Variants in RAI14 observed in about 807,000 individuals in gnomAD.
The protein encoded by RAI14 is ankycorbin.
A neutral mutation model predicts 115.4 loss-of-function variants in RAI14; 45 were observed. That is an observed-to-expected ratio of 0.39 (90% CI 0.31 to 0.50). The LOEUF (loss-of-function observed/expected upper bound fraction) is 0.50. Among genes scored for constraint, RAI14 ranks in the 20% least tolerant of loss-of-function variants. The pLI is 0.85. For missense variants in RAI14, 939 were observed against 1,131.2 expected (o/e 0.83, Z 2.44); for synonymous variants, 371 against 415.4 (o/e 0.89, Z 1.30).
intron 3 of RAI14, among the ~76,000 whole-genome samples, chr5:34,790,667 T>C (rs949331482): frequency 5.3e-5 from 8 of 151,700 alleles, no homozygotes; most frequent in Admixed American, 2.6e-4. Flanking sequence ...ATTTTTTTTC[T>C]AAACCTAGCC....
intron 3 of RAI14, among the ~76,000 whole-genome samples, chr5:34,773,044 A>G (rs1750374434): frequency 1.3e-5 from 2 of 152,202 alleles, no homozygotes; most frequent in Non-Finnish European, 2.9e-5. Context: ...TCCTATTGTA[A>G]TGAAATGTAA....
At chr5:34,781,129 A>G (rs28613613) in intron 3 of RAI14, among the ~76,000 whole-genome samples, 4,067 of 149,952 alleles carry the variant, frequency 0.027, 191 homozygotes, top group African/African-American at 0.094. Context: ...GACAAAAAAA[A>G]CCAAGCACCG....
intron 4 of RAI14, among the ~76,000 whole-genome samples, chr5:34,802,255 A>G (rs548633215): frequency 4.6e-5 from 7 of 152,270 alleles, no homozygotes; most frequent in Admixed American, 3.3e-4. Flanking sequence ...TATAAGGTCA[A>G]TGATGCTAAG....
intron 1 of RAI14, among the ~76,000 whole-genome samples, chr5:34,674,015 A>C (rs1275449548): frequency 2.6e-5 from 4 of 152,070 alleles, no homozygotes; most frequent in Admixed American, 1.3e-4. Flanking sequence ...CCACTTATGG[A>C]TCCACTACTG....
intron 2 of RAI14, among the ~76,000 whole-genome samples, chr5:34,696,136 T>A (rs925334820): frequency 2.0e-5 from 3 of 151,966 alleles, no homozygotes; most frequent in African/African-American, 7.3e-5. Context: ...TTATTTATTT[T>A]TTATTATTTT....
At chr5:34,749,836 G>A (rs1282461254) in intron 2 of RAI14, among the ~76,000 whole-genome samples, 2 of 152,022 alleles carry the variant, frequency 1.3e-5, no homozygotes, top group Non-Finnish European at 2.9e-5. Context: ...TGTTGAAATC[G>A]TGTCTGTTTA....
intron 2 of RAI14, among the ~76,000 whole-genome samples, chr5:34,706,590 G>A (rs1157112415): frequency 1.3e-5 from 2 of 152,058 alleles, no homozygotes; most frequent in African/African-American, 2.4e-5. Flanking sequence ...GTTTTATTTC[G>A]GAACTTTATT....
intron 2 of RAI14, among the ~76,000 whole-genome samples, chr5:34,714,273 T>C (rs1741751226): frequency 6.6e-6 from 1 of 152,254 alleles, no homozygotes; most frequent in Non-Finnish European, 1.5e-5. Flanking sequence ...TGATGGTTTC[T>C]GTTCCTCAAC....
chr5:34,795,863 CG>C (rs567882884), intron 3 of RAI14, 75 bp from the exon 4 acceptor site: 419 of 953,144 alleles, frequency 4.4e-4, no homozygotes, highest in Non-Finnish European at 4.8e-4. Flanking sequence ...TGGCGGGGGG[CG>C]GGGGGGAAAC....
intron 1 of RAI14, among the ~76,000 whole-genome samples, chr5:34,662,383 C>T (rs1024031558): frequency 3.3e-5 from 5 of 152,178 alleles, no homozygotes; most frequent in African/African-American, 1.2e-4. Flanking sequence ...TAGAAGCCAA[C>T]TGAATTTTTT....
At chr5:34,732,318 A>G (rs1198635373) in intron 2 of RAI14, among the ~76,000 whole-genome samples, 3 of 152,142 alleles carry the variant, frequency 2.0e-5, no homozygotes, top group African/African-American at 7.2e-5. Flanking sequence ...GTATATATAG[A>G]AAGAGCAATG....
chr5:34,734,175 G>A (rs1032515460), intron 2 of RAI14, among the ~76,000 whole-genome samples: 2 of 152,134 alleles, frequency 1.3e-5, no homozygotes, highest in African/African-American at 4.8e-5. Context: ...CTTTAGGCCC[G>A]CCCCCCTGGT....
chr5:34,783,732 CT>C (rs1286425363), intron 3 of RAI14, among the ~76,000 whole-genome samples: 14 of 152,196 alleles, frequency 9.2e-5, no homozygotes, highest in Non-Finnish European at 1.9e-4. Flanking sequence ...ATTCTTTCCA[CT>C]ATGGCTTGTC....
intron 2 of RAI14, among the ~76,000 whole-genome samples, chr5:34,742,571 G>A (rs2166374): frequency 0.42 from 64,075 of 151,952 alleles, 13,764 homozygotes; most frequent in Non-Finnish European, 0.47. Flanking sequence ...GAAAAACATA[G>A]AGAGGTAGAT....
At chr5:34,758,334 A>T (rs1748173078) in intron 3 of RAI14, among the ~76,000 whole-genome samples, 1 of 152,194 alleles carries the variant, frequency 6.6e-6, no homozygotes, top group African/African-American at 2.4e-5. Context: ...TGAGACAAGG[A>T]TTTAAGTGCA....
At chr5:34,760,706 A>G (rs1263463618) in intron 3 of RAI14, among the ~76,000 whole-genome samples, 3 of 152,276 alleles carry the variant, frequency 2.0e-5, no homozygotes, top group Non-Finnish European at 4.4e-5. Context: ...GATATTTATT[A>G]CATGTGTTCT....
Position 34,767,918 on chromosome 5 carries a change from C to T in RAI14, c.167+10320C>T, listed in dbSNP as rs555898034. ...ATGGAGAGCCTCTGCTAGGGCAGTG[C>T]AGAAGGGAAATGTAGGGCTGGGACC... On this transcript the variant is annotated intron_variant, in intron 3 of 17. Transcript: ENST00000265109. 4.8e-5 allele frequency among the ~76,000 whole-genome samples: 7 copies of T among 144,380 alleles called. No homozygotes were observed. The South Asian group carries it at 1.7e-3, about 35-fold the overall frequency. The allele number at this position is 144,380 out of a possible 152,430, so 94.7% of individuals were successfully genotyped here. A position where few individuals can be genotyped will look rare whatever the true frequency, so the allele number is the denominator to read the frequency against.
intron 3 of RAI14, among the ~76,000 whole-genome samples, chr5:34,770,875 G>GT (rs1337887987): frequency 6.6e-6 from 1 of 152,182 alleles, no homozygotes; most frequent in Admixed American, 6.5e-5. Flanking sequence ...AATATCATTA[G>GT]TTTTTTTCTC....
chr5:34,726,891 A>G (rs1743537656), intron 2 of RAI14, among the ~76,000 whole-genome samples: 1 of 152,200 alleles, frequency 6.6e-6, no homozygotes, highest in African/African-American at 2.4e-5. Context: ...AATCTCAGGT[A>G]TGTCTTTATT....
Sources: gnomAD v4.1 joint callset for allele counts (sites outside exome capture counted in the v4.1 genomes callset) on GRCh38, gnomAD v4.1.1 for gene constraint, MANE v1.5 for transcripts, NCBI Gene and HGNC (gene_info 2026-07-23, HGNC 2026-07-21) for gene names.